Variants in CDH7 observed in about 807,000 individuals in gnomAD.
The protein encoded by CDH7 is cadherin 7.
A neutral mutation model predicts 71.8 loss-of-function variants in CDH7; 25 were observed. The observed-to-expected ratio is 0.35, with a 90% CI of 0.25 to 0.49. CDH7 has a LOEUF of 0.49. Ranked by LOEUF, CDH7 falls within the 20% of genes least tolerant of loss-of-function variation. The pLI is 0.99. For synonymous variants in CDH7, 381 were observed against 363.8 expected, an observed-to-expected ratio of 1.05 and a Z score of -0.54; for missense variants, 862 against 974.6, an observed-to-expected ratio of 0.88 and a Z score of 1.54.
chr18:65,779,126 G>T (rs1202477430), intron 2 of CDH7, among the ~76,000 whole-genome samples: 2 of 148,104 alleles, frequency 1.4e-5, no homozygotes, highest in African/African-American at 2.5e-5. Flanking sequence ...AGTAAATTTT[G>T]TAGATGCAAA....
At chr18:65,767,692 T>C (rs544301354) in intron 2 of CDH7, among the ~76,000 whole-genome samples, 12 of 152,352 alleles carry the variant, frequency 7.9e-5, no homozygotes, top group African/African-American at 2.9e-4. Context: ...GTCAGTTTGC[T>C]GATAGATGTG....
chr18:65,820,233 A>T (rs954696413), intron 4 of CDH7, among the ~76,000 whole-genome samples: 4 of 151,012 alleles, frequency 2.6e-5, no homozygotes, highest in African/African-American at 9.7e-5. Context: ...CACAAAGCCT[A>T]AAATATGAGC....
Position 65,881,325 on chromosome 18 carries a change from G to A in CDH7, c.*431G>A, listed in dbSNP as rs1445699525. 6.5e-6 allele frequency: 1 copy of A among 153,924 alleles called. No homozygotes were observed. The highest frequency in any genetic ancestry group is 1.4e-5 in the Non-Finnish European group (1 of 69,292). The allele number at this position is 153,924 out of a possible 1,614,324, so 9.5% of individuals were successfully genotyped here. A position where few individuals can be genotyped will look rare whatever the true frequency, so the allele number is the denominator to read the frequency against. ...CTATTGAAAAACCCTGGAACTTGTT[G>A]CATATCAAAACTTGGGACAAATTTA... On this transcript the variant is annotated 3_prime_UTR_variant, in exon 12 of 12. Transcript: ENST00000397968.
intron 10 of CDH7, 100 bp downstream of exon 10, chr18:65,859,925 C>A: frequency 4.2e-6 from 3 of 710,290 alleles, no homozygotes; most frequent in Non-Finnish European, 2.5e-6. Context: ...TTTTTTAAAG[C>A]AAGGACAATA....
At chr18:65,814,236 C>T (rs1000487315) in intron 3 of CDH7, among the ~76,000 whole-genome samples, 6 of 27,150 alleles carry the variant, frequency 2.2e-4, no homozygotes, top group Admixed American at 1.2e-3. Context: ...TGTGCATCAT[C>T]GATGGTATTT....
intron 2 of CDH7, among the ~76,000 whole-genome samples, chr18:65,776,914 A>G (rs1357206363): frequency 2.0e-5 from 3 of 152,338 alleles, no homozygotes; most frequent in African/African-American, 7.2e-5. Context: ...TATAATTTAC[A>G]TACTTCTATA....
chr18:65,853,187 G>T (rs943042537), intron 7 of CDH7, among the ~76,000 whole-genome samples: 1 of 152,182 alleles, frequency 6.6e-6, no homozygotes, highest in African/African-American at 2.4e-5. Context: ...AGAGATTGTT[G>T]TAAGTTCACA....
intron 2 of CDH7, among the ~76,000 whole-genome samples, chr18:65,765,350 G>C (rs1916322566): frequency 6.6e-6 from 1 of 151,846 alleles, no homozygotes; most frequent in East Asian, 1.9e-4. Flanking sequence ...ATGATGAAAT[G>C]ATTCTTTTTA....
intron 7 of CDH7, among the ~76,000 whole-genome samples, chr18:65,849,378 T>A: frequency 8.6e-6 from 1 of 116,074 alleles, no homozygotes; most frequent in Non-Finnish European, 1.7e-5. Flanking sequence ...TCTTTTCTTT[T>A]CTTTTCTTTT....
chr18:65,815,505 C>A (rs1911692722), intron 4 of CDH7, among the ~76,000 whole-genome samples: 1 of 152,072 alleles, frequency 6.6e-6, no homozygotes, highest in Non-Finnish European at 1.5e-5. Flanking sequence ...TCCATGTTTA[C>A]CAAAAGGGCA....
chr18:65,789,941 T>C (rs1910650061), intron 2 of CDH7, among the ~76,000 whole-genome samples: 1 of 151,938 alleles, frequency 6.6e-6, no homozygotes, highest in East Asian at 1.9e-4. Flanking sequence ...TGAAGTTGCC[T>C]GAGGGAGGCT....
Position 65,782,079 on chromosome 18 carries a change from TTTCCTTCC to T in CDH7, c.210+19051_210+19058del, listed in dbSNP as rs1223384409. Among the ~76,000 whole-genome samples, 7 of 43,146 alleles carry T rather than the reference TTTCCTTCC, an allele frequency of 1.6e-4. 1 individual carries two copies. The East Asian group carries it at 2.5e-3, about 15-fold the overall frequency. The allele number at this position is 43,146 out of a possible 152,430, so 28.3% of individuals were successfully genotyped here. A position where few individuals can be genotyped will look rare whatever the true frequency, so the allele number is the denominator to read the frequency against. On this transcript the variant is annotated intron_variant, in intron 2 of 11. Coordinates refer to ENST00000397968, the MANE Select transcript of CDH7 (RefSeq NM_004361.5). ...CTTCCTTCCTTTCTTTCTTTCTTTCTTTCCTTCCTTCCTTCCTTCCTTCCTTCCTTCTT... is the reference window on the plus strand; with the variant it reads ...CTTCCTTCCTTTCTTTCTTTCTTTCTTTCCTTCCTTCCTTCCTTCCTTCTT...
intron 2 of CDH7, among the ~76,000 whole-genome samples, chr18:65,765,952 T>A (rs1207832033): frequency 6.6e-6 from 1 of 152,156 alleles, no homozygotes; most frequent in Non-Finnish European, 1.5e-5. Context: ...TCAATTACTC[T>A]GGACATTATT....
chr18:65,859,897 G>C, intron 10 of CDH7, 72 bp downstream of exon 10: 1 of 902,638 alleles, frequency 1.1e-6, no homozygotes, highest in Non-Finnish European at 1.8e-6. Context: ...TTCTCCCCAG[G>C]AATGCTGATT....
chr18:65,820,254 T>C (rs910809142), intron 4 of CDH7, among the ~76,000 whole-genome samples: 1 of 151,152 alleles, frequency 6.6e-6, no homozygotes, highest in Non-Finnish European at 1.5e-5. Context: ...CAGTGTCTTT[T>C]TCAAAGAGCC....
chr18:65,808,937 T>A (rs776742060), intron 2 of CDH7, among the ~76,000 whole-genome samples: 1 of 152,314 alleles, frequency 6.6e-6, no homozygotes, highest in Non-Finnish European at 1.5e-5. Context: ...TGTTCAACAT[T>A]ATGTTCTGAC....
At chr18:65,838,587 C>T (rs920582114) in intron 6 of CDH7, among the ~76,000 whole-genome samples, 1 of 152,098 alleles carries the variant, frequency 6.6e-6, no homozygotes, top group African/African-American at 2.4e-5. Context: ...GGATCAATTC[C>T]TGAAACATTA....
chr18:65,864,849 C>A (rs1913703966), intron 11 of CDH7, among the ~76,000 whole-genome samples: 2 of 144,604 alleles, frequency 1.4e-5, no homozygotes, highest in African/African-American at 5.3e-5. Flanking sequence ...CGAGATCATG[C>A]CACTGCACTC....
intron 6 of CDH7, among the ~76,000 whole-genome samples, chr18:65,829,587 G>A (rs8098217): frequency 0.66 from 99,381 of 151,684 alleles, 33,454 homozygotes; most frequent in East Asian, 0.97. Context: ...TTCCTGGAGA[G>A]CAACGTAAAG....
Sources: gnomAD v4.1 joint callset for allele counts (sites outside exome capture counted in the v4.1 genomes callset) on GRCh38, gnomAD v4.1.1 for gene constraint, MANE v1.5 for transcripts, NCBI Gene and HGNC (gene_info 2026-07-23, HGNC 2026-07-21) for gene names.